Variants in EPRS1 observed in about 807,000 individuals in gnomAD.
EPRS1 encodes the protein glutamyl-prolyl-tRNA synthetase 1, also known as bifunctional glutamate/proline--tRNA ligase.
A neutral mutation model predicts 188.3 loss-of-function variants in EPRS1; 107 were observed. The observed-to-expected ratio is 0.57, with a 90% confidence interval of 0.49 to 0.67. The LOEUF (loss-of-function observed/expected upper bound fraction) is 0.67, where lower values mean the gene tolerates loss of function less well. Among genes scored for constraint, EPRS1 ranks in the 30% least tolerant of loss-of-function variants. The pLI is 0.00. For missense variants in EPRS1, 1,577 were observed against 1,802.2 expected, an observed-to-expected ratio of 0.88 and a Z score of 2.26; for synonymous variants, 596 against 593.1, an observed-to-expected ratio of 1.00 and a Z score of -0.07.
intron 17 of EPRS1, among the ~76,000 whole-genome samples, chr1:219,999,640 A>C (rs1661304669): frequency 6.6e-6 from 1 of 152,098 alleles, no homozygotes; most frequent in South Asian, 2.1e-4. Flanking sequence ...CCCAGCCAAC[A>C]CCAATATCAA....
intron 3 of EPRS1, among the ~76,000 whole-genome samples, chr1:220,034,587 T>G (rs543742308): frequency 7.9e-5 from 12 of 152,332 alleles, no homozygotes; most frequent in African/African-American, 2.9e-4. Context: ...TGCTGCCTTA[T>G]CCGTAAAGTA....
Position 220,025,160 on chromosome 1 carries a change from G to C in EPRS1, c.722C>G (p.Pro241Arg). The change falls in exon 7 of 32, where the codon CCT (proline) becomes CGT (arginine). Residue 241 changes from proline (P) to arginine (R), a missense_variant. Pro to Arg is a moderately radical substitution (Grantham distance 103, BLOSUM62 -2). Coordinates refer to ENST00000366923, the MANE Select transcript of EPRS1 (RefSeq NM_004446.3). ...KLIMRFDDTN[P>R]EKEKEDFEKV... ...CTCAAAATCTTCCTTTTCTTTTTCA[G>C]GATTTGTGTCATCAAATCTCATGAT... The C allele has an allele frequency of 6.2e-7, 1 of 1,612,744 alleles. No individual in the cohort carries two copies.
intron 2 of EPRS1, among the ~76,000 whole-genome samples, chr1:220,036,059 G>T (rs982270557): frequency 1.3e-5 from 2 of 152,158 alleles, no homozygotes; most frequent in African/African-American, 4.8e-5. Flanking sequence ...AATTAGCCGG[G>T]TGTGGTGGTG....
intron 13 of EPRS1, among the ~76,000 whole-genome samples, 195 bp from the exon 14 acceptor site, chr1:220,007,533 C>A (rs1056429512): frequency 1.3e-5 from 2 of 152,136 alleles, no homozygotes; most frequent in Non-Finnish European, 2.9e-5. Flanking sequence ...TAAACATATT[C>A]CCAATTCTGT....
intron 11 of EPRS1, 55 bp downstream of exon 11, chr1:220,018,940 A>G: frequency 8.9e-7 from 1 of 1,123,474 alleles, no homozygotes; most frequent in South Asian, 1.2e-5. Context: ...AAGGGACAGT[A>G]ATAGAAGTAC....
intron 13 of EPRS1, 68 bp from the exon 14 acceptor site, chr1:220,007,406 T>C: frequency 6.8e-7 from 1 of 1,471,764 alleles, no homozygotes; most frequent in Non-Finnish European, 9.3e-7. Flanking sequence ...TGCAAATTTA[T>C]ACATTCATTC....
At chr1:219,996,328 C>T (rs182638699) in intron 18 of EPRS1, among the ~76,000 whole-genome samples, 13 of 152,338 alleles carry the variant, frequency 8.5e-5, no homozygotes, top group Admixed American at 7.2e-4. Flanking sequence ...TCTTGACAAT[C>T]CATTTGTTAT....
At chr1:220,015,426 G>A (rs1356731929) in intron 12 of EPRS1, among the ~76,000 whole-genome samples, 2 of 152,092 alleles carry the variant, frequency 1.3e-5, no homozygotes, top group African/African-American at 4.8e-5. Context: ...TCGTGCCACT[G>A]CATTCCAGCC....
chr1:220,038,696 G>A (rs895161229), intron 2 of EPRS1, among the ~76,000 whole-genome samples: 91 of 152,226 alleles, frequency 6.0e-4, no homozygotes, highest in African/African-American at 2.0e-3. Context: ...TGTTTCATAG[G>A]GGAGCAGAAA....
At chr1:220,013,753 A>G (rs1261047624) in intron 12 of EPRS1, among the ~76,000 whole-genome samples, 1 of 152,228 alleles carries the variant, frequency 6.6e-6, no homozygotes, top group African/African-American at 2.4e-5. Flanking sequence ...ATGTACCTCA[A>G]GAGTTGAAGG....
Position 219,979,939 on chromosome 1 carries a change from G to A in EPRS1, c.3711+146C>T, listed in dbSNP as rs1303066160. 4.1e-6 allele frequency: 3 copies of A among 728,692 alleles called. No homozygotes were observed. The East Asian group carries it at 7.5e-5, about 18-fold the overall frequency. 45.1% of individuals were successfully genotyped at this position (728,692 alleles called of 1,614,324 possible). ...ACGAACCATGGAGACAGAGGAATGG[G>A]ATAGATTTGTTTGAAATTATTATAC... On this transcript the variant is annotated intron_variant, in intron 26 of 31. Transcript: ENST00000366923.
chr1:219,983,291 A>G lies in EPRS1; in HGVS notation c.3198T>C (p.Ala1066=). Residue 1066 remains alanine, a synonymous_variant, in exon 22 of 32, where the codon GCT becomes GCC. Coordinates refer to ENST00000366923, the MANE Select transcript of EPRS1 (RefSeq NM_004446.3). The part of the protein sequence containing the change: ...IWEAIKDFFD[A]EIKKLGVENC... ...TTTCAACACCAAGTTTCTTGATCTC[A>G]GCATCAAAAAAGTCCTTGATGGCTT... 1 of 1,613,704 alleles carries G rather than the reference A, an allele frequency of 6.2e-7. No individual in the cohort carries two copies. The highest frequency in any genetic ancestry group is 8.5e-7 in the Non-Finnish European group (1 of 1,179,558).
At chr1:220,011,077 T>C (rs776081931) in intron 12 of EPRS1, 21 bp from the exon 13 acceptor site, 1 of 1,336,744 alleles carries the variant, frequency 7.5e-7, no homozygotes, top group Non-Finnish European at 1.1e-6. Context: ...TACATCCTCA[T>C]GTTAAAACAC....
chr1:220,017,346 G>T (rs2789811), intron 12 of EPRS1, among the ~76,000 whole-genome samples: 122,043 of 152,166 alleles, frequency 0.8, 49,109 homozygotes, highest in East Asian at 0.93. Flanking sequence ...AGAACTATTT[G>T]ACTATAGTAA....
intron 12 of EPRS1, 22 bp downstream of exon 12, chr1:220,018,427 G>T: frequency 6.4e-7 from 1 of 1,572,246 alleles, no homozygotes; most frequent in Non-Finnish European, 8.7e-7. Context: ...GAGAAAAGAA[G>T]GCAGAGAGTT....
chr1:220,005,308 T>G lies in EPRS1; in HGVS notation c.2003A>C (p.Asp668Ala), dbSNP rs765183434. 6.2e-7 allele frequency: 1 copy of G among 1,600,992 alleles called. No individual in the cohort carries two copies. The highest frequency in any genetic ancestry group is 8.5e-7 in the Non-Finnish European group (1 of 1,173,458). Residue 668 changes from aspartate (D) to alanine (A), a missense_variant, in exon 16 of 32, where the codon GAT becomes GCT. Coordinates refer to ENST00000366923, the MANE Select transcript of EPRS1 (RefSeq NM_004446.3). Reference sequence around the variant, plus strand: ...TCCTCTTCTCTGGAGTTGTATAATATCTCCTTTTTTCAAATCCTTAAGGCA... The same window carrying G: ...TCCTCTTCTCTGGAGTTGTATAATAGCTCCTTTTTTCAAATCCTTAAGGCA... ...DPCLKDLKKG[D>A]IIQLQRRGFF...
intron 16 of EPRS1, among the ~76,000 whole-genome samples, chr1:220,004,910 A>G (rs1194211180): frequency 2.0e-5 from 3 of 152,184 alleles, no homozygotes; most frequent in Non-Finnish European, 4.4e-5. Flanking sequence ...TAGTGAAAAT[A>G]CACTACAAAG....
intron 12 of EPRS1, chr1:220,017,998 C>T (rs922010796): frequency 2.3e-5 from 10 of 441,528 alleles, no homozygotes; most frequent in African/African-American, 1.9e-4. Flanking sequence ...AATGCATTTT[C>T]AATGCGTTTG....
intron 11 of EPRS1, 143 bp downstream of exon 11, chr1:220,018,852 A>T (rs1184579502): frequency 4.0e-4 from 31 of 78,212 alleles, no homozygotes; most frequent in Admixed American, 1.2e-3. Context: ...GTTTGTTTTA[A>T]AAAAAAAAAA....
Sources: gnomAD v4.1 joint callset for allele counts (sites outside exome capture counted in the v4.1 genomes callset) on GRCh38, gnomAD v4.1.1 for gene constraint, MANE v1.5 for transcripts, NCBI Gene and HGNC (gene_info 2026-07-23, HGNC 2026-07-21) for gene names.